Variants in CSMD2 observed in about 807,000 individuals in gnomAD.
CSMD2 encodes the protein CUB and sushi domain-containing protein 2.
A neutral mutation model predicts 398.5 loss-of-function variants in CSMD2; 130 were observed. The observed-to-expected ratio is 0.33, with a 90% CI of 0.28 to 0.38. The LOEUF (loss-of-function observed/expected upper bound fraction) is 0.38. Ranked by LOEUF, CSMD2 falls within the 10% of genes least tolerant of loss-of-function variation. The pLI, the probability that CSMD2 is intolerant of heterozygous loss-of-function variation, is 1.00. For synonymous variants in CSMD2, 1,828 were observed against 1,908.5 expected, an observed-to-expected ratio of 0.96 and a Z score of 1.10; for missense variants, 3,829 against 4,764.9, an observed-to-expected ratio of 0.80 and a Z score of 5.78.
chr1:34,114,210 T>C (rs918140642), intron 1 of CSMD2, among the ~76,000 whole-genome samples: 2 of 152,120 alleles, frequency 1.3e-5, no homozygotes, highest in African/African-American at 2.4e-5. Flanking sequence ...AGAGAATATA[T>C]ATCCCAAGGA....
chr1:34,001,891 A>C (rs1300482500), intron 3 of CSMD2, among the ~76,000 whole-genome samples: 1 of 152,178 alleles, frequency 6.6e-6, no homozygotes, highest in Admixed American at 6.5e-5. Context: ...TGGTTAATAA[A>C]TGCTGCAAAA....
chr1:33,531,146 T>C (rs532751375), intron 64 of CSMD2, among the ~76,000 whole-genome samples: 12 of 152,352 alleles, frequency 7.9e-5, no homozygotes, highest in South Asian at 2.1e-4. Context: ...TTAATGGATA[T>C]GTTAATTAAC....
Position 33,607,319 on chromosome 1 carries a change from T to C in CSMD2, c.6344-1849A>G, listed in dbSNP as rs144529671. Among the ~76,000 whole-genome samples, 33 of 151,980 alleles carry C rather than the reference T, an allele frequency of 2.2e-4. No homozygotes were observed. The East Asian group carries it at 5.8e-3, about 27-fold the overall frequency. On this transcript the variant is annotated intron_variant, in intron 41 of 70. Transcript: ENST00000373381. ...TAGCATGGGAAGTGCAGAGTATCAG[T>C]TGGAGGAATTTTGAGAAAGAGTAAA...
rs538952615 is a variant in CSMD2 at position 33,956,867 on chromosome 1, C to G, written c.518-20913G>C. ...ATGTCTCTCCCCTGCTTAACACCCC[C>G]CTAAATCTTCTCATCTCCCTTTAAA... On this transcript the variant is annotated intron_variant, in intron 3 of 70. Coordinates refer to ENST00000373381, the MANE Select transcript of CSMD2 (RefSeq NM_001281956.2). 6.0e-4 allele frequency among the ~76,000 whole-genome samples: 92 copies of G among 152,178 alleles called. 3 individuals carry two copies. The highest frequency in any genetic ancestry group is 4.1e-3 in the East Asian group (21 of 5,176).
At chr1:33,671,090 G>A (rs569065714) in intron 25 of CSMD2, among the ~76,000 whole-genome samples, 1 of 152,180 alleles carries the variant, frequency 6.6e-6, no homozygotes, top group Non-Finnish European at 1.5e-5. Context: ...AAGCTCTTCA[G>A]GAAGACAAAG....
At chr1:33,658,968 G>A (rs544106220) in intron 26 of CSMD2, among the ~76,000 whole-genome samples, 4 of 152,304 alleles carry the variant, frequency 2.6e-5, no homozygotes, top group Admixed American at 6.5e-5. Context: ...TGAGGTTACC[G>A]GGAGTTACTG....
intron 3 of CSMD2, among the ~76,000 whole-genome samples, chr1:34,023,392 C>T (rs991725918): frequency 6.6e-6 from 1 of 152,188 alleles, no homozygotes; most frequent in Non-Finnish European, 1.5e-5. Context: ...GAGCCATATG[C>T]TCACAGGACA....
intron 6 of CSMD2, among the ~76,000 whole-genome samples, chr1:33,831,260 AG>A (rs1375827643): frequency 6.6e-6 from 1 of 152,178 alleles, no homozygotes; most frequent in African/African-American, 2.4e-5. Flanking sequence ...GCAGCCAGAG[AG>A]AAAGGTTAGG....
intron 1 of CSMD2, among the ~76,000 whole-genome samples, chr1:34,114,697 CA>C (rs954047476): frequency 2.7e-5 from 4 of 148,932 alleles, no homozygotes; most frequent in South Asian, 2.1e-4. Flanking sequence ...GACCCTGTCT[CA>C]AAAAAAAAGG....
At chr1:33,849,875 A>G (rs554555423) in intron 5 of CSMD2, among the ~76,000 whole-genome samples, 96 of 151,888 alleles carry the variant, frequency 6.3e-4, no homozygotes, top group African/African-American at 2.2e-3. Flanking sequence ...GAGTTAGTGA[A>G]AAACAAATCA....
intron 4 of CSMD2, among the ~76,000 whole-genome samples, chr1:33,924,949 G>A (rs1474816016): frequency 6.6e-6 from 1 of 152,052 alleles, no homozygotes; most frequent in Non-Finnish European, 1.5e-5. Context: ...CTGGACATTA[G>A]TCCCCTCTCA....
intron 2 of CSMD2, among the ~76,000 whole-genome samples, chr1:34,043,349 C>A (rs558161656): frequency 7.9e-5 from 12 of 152,154 alleles, no homozygotes; most frequent in Non-Finnish European, 1.5e-4. Context: ...CCCAACCCTG[C>A]ATTAGCTTTT....
chr1:33,895,072 G>T (rs1464148195), intron 5 of CSMD2, among the ~76,000 whole-genome samples: 1 of 152,200 alleles, frequency 6.6e-6, no homozygotes, highest in Non-Finnish European at 1.5e-5. Flanking sequence ...CCATGAGGAT[G>T]AATATCAATA....
At chr1:34,018,512 T>C (rs1167053423) in intron 3 of CSMD2, among the ~76,000 whole-genome samples, 2 of 152,248 alleles carry the variant, frequency 1.3e-5, no homozygotes, top group Non-Finnish European at 2.9e-5. Context: ...GCACCAGCCA[T>C]GTGCGAGTGT....
chr1:33,646,703 G>A lies in CSMD2; in HGVS notation c.4719C>T (p.Leu1573=), dbSNP rs10798976. ...TCACAGATGCATCGCTGCGGAAGGC[G>A]AGGAAGAGGCTGTTGCTGCTGCTTT... ...RIESSSNSLF[L]AFRSDASVSN... is the part of the protein sequence containing the mutation. Residue 1573 remains leucine, a synonymous_variant, in exon 29 of 71, where the codon CTC becomes CTT. Transcript: ENST00000373381. The A allele has an allele frequency of 0.022, 35,051 of 1,614,124 alleles. 2,480 individuals carry two copies. In the African/African-American group the frequency reaches 0.22, roughly 10 times the overall value.
chr1:34,085,240 T>G (rs61263986), intron 2 of CSMD2, among the ~76,000 whole-genome samples: 57,830 of 151,360 alleles, frequency 0.38, 11,752 homozygotes, highest in African/African-American at 0.52. Context: ...TGGGGTGGGG[T>G]TAGGGGGGAG....
chr1:33,628,237 C>A (rs1239737575), intron 32 of CSMD2, among the ~76,000 whole-genome samples: 1 of 151,994 alleles, frequency 6.6e-6, no homozygotes, highest in Admixed American at 6.6e-5. Flanking sequence ...TTGGGAAATT[C>A]TCTCAGAATC....
intron 3 of CSMD2, among the ~76,000 whole-genome samples, chr1:33,969,721 C>G (rs1463656575): frequency 6.6e-6 from 1 of 152,166 alleles, no homozygotes; most frequent in Non-Finnish European, 1.5e-5. Context: ...AGCCACTGTG[C>G]TGGCTGGCTC....
intron 37 of CSMD2, among the ~76,000 whole-genome samples, chr1:33,618,946 A>G (rs1423235304): frequency 6.6e-6 from 1 of 151,892 alleles, no homozygotes; most frequent in Non-Finnish European, 1.5e-5. Flanking sequence ...CCCTCCTAAA[A>G]CAGTCCTCAT....
Sources: gnomAD v4.1 joint callset for allele counts (sites outside exome capture counted in the v4.1 genomes callset) on GRCh38, gnomAD v4.1.1 for gene constraint, MANE v1.5 for transcripts, NCBI Gene and HGNC (gene_info 2026-07-23, HGNC 2026-07-21) for gene names.